Variants in CAMK1D observed in about 807,000 individuals in gnomAD.
CAMK1D encodes the protein calcium/calmodulin-dependent protein kinase type 1D.
In CAMK1D, 9 loss-of-function variants were observed where a neutral mutation model predicts 47.7. That is an observed-to-expected ratio of 0.19 (90% CI 0.11 to 0.33). The LOEUF is 0.33. CAMK1D is among the 10% of genes least tolerant of loss of function. The pLI is 1.00. For synonymous variants in CAMK1D, 184 were observed against 184.9 expected (o/e 0.99, Z 0.04); for missense variants, 291 against 488.7 (o/e 0.60, Z 3.81).
intron 3 of CAMK1D, among the ~76,000 whole-genome samples, chr10:12,707,222 C>T (rs918700605): frequency 3.3e-5 from 5 of 152,184 alleles, no homozygotes; most frequent in African/African-American, 1.2e-4. Flanking sequence ...AAAATTAATT[C>T]CAGTTATTCA....
At chr10:12,784,038 A>AGCC (rs1283646029) in intron 5 of CAMK1D, among the ~76,000 whole-genome samples, 1 of 152,150 alleles carries the variant, frequency 6.6e-6, no homozygotes, top group East Asian at 1.9e-4. Context: ...AAACTTGATA[A>AGCC]GCCGATGGGA....
chr10:12,498,648 A>G (rs568006073), intron 1 of CAMK1D, among the ~76,000 whole-genome samples: 5 of 152,154 alleles, frequency 3.3e-5, no homozygotes, highest in Non-Finnish European at 5.9e-5. Context: ...TGAAGAGTGG[A>G]GATGAAACTG....
At chr10:12,446,722 A>G (rs546360659) in intron 1 of CAMK1D, among the ~76,000 whole-genome samples, 1 of 152,116 alleles carries the variant, frequency 6.6e-6, no homozygotes, top group Non-Finnish European at 1.5e-5. Flanking sequence ...CTCTTTTTGC[A>G]GTTGGAGACT....
chr10:12,486,704 GTC>G (rs1321472690), intron 1 of CAMK1D, among the ~76,000 whole-genome samples: 1 of 152,216 alleles, frequency 6.6e-6, no homozygotes, highest in African/African-American at 2.4e-5. Flanking sequence ...GGAATTTGGG[GTC>G]TCTCTCAGTT....
At position 12,445,741 on chromosome 10, in the gene CAMK1D, T is replaced by C. The variant is rs114759362; in HGVS notation, c.92+95831T>C. On this transcript the variant is annotated intron_variant, in intron 1 of 10. Transcript: ENST00000619168. ...ACCATGTCCTGACAACTGCAGAGAA[T>C]TATATTGCTCATTTGTTTTTATTGT... Among the ~76,000 whole-genome samples, 1,428 of 152,310 alleles carry C rather than the reference T, an allele frequency of 9.4e-3. 18 individuals are homozygous for C. Among genetic ancestry groups the C allele is most frequent in the African/African-American group, 0.033 (1,372 of 41,544 alleles).
At chr10:12,771,688 C>T (rs550302081) in intron 5 of CAMK1D, among the ~76,000 whole-genome samples, 1 of 152,264 alleles carries the variant, frequency 6.6e-6, no homozygotes, top group South Asian at 2.1e-4. Context: ...TTCCCTGGAT[C>T]GTGTGTATGC....
At chr10:12,634,757 C>T (rs968344016) in intron 2 of CAMK1D, among the ~76,000 whole-genome samples, 10 of 152,170 alleles carry the variant, frequency 6.6e-5, no homozygotes, top group Middle Eastern at 3.4e-3. Context: ...TTCTTCCTGC[C>T]GGCCCATCAG....
At chr10:12,588,811 TACAC>T (rs1312024895) in intron 2 of CAMK1D, among the ~76,000 whole-genome samples, 3 of 133,174 alleles carry the variant, frequency 2.3e-5, no homozygotes, top group East Asian at 4.0e-4. Flanking sequence ...CACACACACA[TACAC>T]ACATGCACAT....
At chr10:12,590,472 T>C (rs11257910) in intron 2 of CAMK1D, among the ~76,000 whole-genome samples, 97,355 of 152,098 alleles carry the variant, frequency 0.64, 32,392 homozygotes, top group East Asian at 0.86. Context: ...GTGATCCTCC[T>C]GCCTCGGCCT....
intron 1 of CAMK1D, among the ~76,000 whole-genome samples, chr10:12,501,875 C>T (rs1197548806): frequency 6.6e-6 from 1 of 152,042 alleles, no homozygotes; most frequent in Non-Finnish European, 1.5e-5. Flanking sequence ...CCATTTGATG[C>T]TTTTGGAGTG....
intron 2 of CAMK1D, among the ~76,000 whole-genome samples, chr10:12,567,571 T>A (rs958344384): frequency 6.6e-6 from 1 of 152,336 alleles, no homozygotes; most frequent in African/African-American, 2.4e-5. Context: ...AAAGTAAACT[T>A]GTGGAAAGAA....
In CAMK1D at chr10:12,663,385, G is replaced by T. The variant is rs552080532; in HGVS notation, c.225-3351G>T. ...TAGAGCAATGAGAAGAATATAAACC[G>T]TATTGTAGGAAGACTGGTCAGCATT... On this transcript the variant is annotated intron_variant, in intron 2 of 10. Transcript: ENST00000619168. Among the ~76,000 whole-genome samples the T allele has an allele frequency of 5.3e-5, 8 of 152,258 alleles. No homozygotes were observed. In the East Asian group the frequency reaches 1.5e-3, roughly 29 times the overall value.
rs56807588 is a variant in CAMK1D, at chr10:12,662,651, C to CAAAAAAAAAAAAAAAAAAAAAA, written c.225-4072_225-4071insAAAAAAAAAAAAAAAAAAAAAA. Among the ~76,000 whole-genome samples the CAAAAAAAAAAAAAAAAAAAAAA allele has an allele frequency of 1.6e-3, 223 of 140,410 alleles. 3 individuals are homozygous for CAAAAAAAAAAAAAAAAAAAAAA. Among genetic ancestry groups the CAAAAAAAAAAAAAAAAAAAAAA allele is most frequent in the South Asian group, 3.4e-3 (14 of 4,174 alleles). 92.1% of individuals were successfully genotyped at this position (140,410 alleles called of 152,430 possible). On this transcript the variant is annotated intron_variant, in intron 2 of 10. Transcript: ENST00000619168. ...TCGGAGACAGAGCAACACTCTGCCT[C>CAAAAAAAAAAAAAAAAAAAAAA]AAAAAAAAAAAAAGGAGATTGTGTT...
intron 1 of CAMK1D, among the ~76,000 whole-genome samples, chr10:12,513,597 G>C (rs1222750330): frequency 6.6e-6 from 1 of 152,006 alleles, no homozygotes; most frequent in Non-Finnish European, 1.5e-5. Flanking sequence ...ACCAGCCTGG[G>C]CAACATGGTG....
intron 2 of CAMK1D, among the ~76,000 whole-genome samples, chr10:12,616,764 G>A (rs1403078346): frequency 6.6e-6 from 1 of 152,100 alleles, no homozygotes; most frequent in South Asian, 2.1e-4. Context: ...TGATCCGCCC[G>A]CCTCGGCCTC....
chr10:12,816,372 A>T, intron 8 of CAMK1D, 44 bp downstream of exon 8: 2 of 1,513,830 alleles, frequency 1.3e-6, no homozygotes, highest in Non-Finnish European at 1.8e-6. Context: ...ATTTAATGCC[A>T]TCTGGGGGGG....
intron 1 of CAMK1D, among the ~76,000 whole-genome samples, chr10:12,458,985 TCTC>T (rs546223442): frequency 7.6e-4 from 115 of 151,902 alleles, no homozygotes; most frequent in African/African-American, 2.8e-3. Context: ...TTCAAGTGAT[TCTC>T]CTGCTTCAGC....
At chr10:12,727,748 C>T (rs1047844252) in intron 3 of CAMK1D, among the ~76,000 whole-genome samples, 25 of 146,742 alleles carry the variant, frequency 1.7e-4, no homozygotes, top group Admixed American at 3.6e-4. Context: ...ATGTGTCAGG[C>T]TTCTAAATTA....
intron 1 of CAMK1D, among the ~76,000 whole-genome samples, chr10:12,521,545 G>A (rs1001087775): frequency 1.4e-4 from 21 of 152,108 alleles, no homozygotes; most frequent in Admixed American, 1.3e-4. Flanking sequence ...AATGTTCCAT[G>A]TGTGCTTAAA....
Sources: allele counts gnomAD v4.1 joint callset (sites outside exome capture counted in the v4.1 genomes callset), GRCh38; gene constraint gnomAD v4.1.1; transcripts MANE v1.5; gene names NCBI Gene and HGNC (gene_info 2026-07-23, HGNC 2026-07-21).